The following UBE2W variants were observed in gnomAD, a reference collection of about 807,000 sequenced individuals.
The protein encoded by UBE2W is ubiquitin conjugating enzyme E2 W.
In UBE2W, 18 loss-of-function variants were observed where a neutral mutation model predicts 27.2. That is an observed-to-expected ratio of 0.66 (90% CI 0.46 to 0.98). The LOEUF (loss-of-function observed/expected upper bound fraction) is 0.98. Among genes scored for constraint, UBE2W ranks in the 50% least tolerant of loss-of-function variants. UBE2W has a pLI of 0.00. For missense variants in UBE2W, 90 were observed against 180.2 expected (o/e 0.50, Z 2.87); for synonymous variants, 53 against 57.2 (o/e 0.93, Z 0.33).
intron 2 of UBE2W, among the ~76,000 whole-genome samples, chr8:73,828,240 TCAAAGACACAACCATCTATTC>T (rs900857534): frequency 6.6e-6 from 1 of 152,180 alleles, no homozygotes; most frequent in African/African-American, 2.4e-5. Flanking sequence ...TGGTTCTTAA[TCAAAGACACAACCATCTATTC>T]CACTCTGGAG....
intron 3 of UBE2W, among the ~76,000 whole-genome samples, chr8:73,821,964 G>A (rs553905299): frequency 2.0e-5 from 3 of 152,240 alleles, no homozygotes; most frequent in African/African-American, 4.8e-5. Flanking sequence ...ATAATCCCCT[G>A]CACTGCAGGC....
At chr8:73,804,074 G>A (rs1164197893) in intron 5 of UBE2W, among the ~76,000 whole-genome samples, 1 of 151,790 alleles carries the variant, frequency 6.6e-6, no homozygotes, top group African/African-American at 2.4e-5. Flanking sequence ...CCACTTCTTT[G>A]TGTTTTCTAA....
chr8:73,821,117 A>C (rs1297256220), intron 3 of UBE2W, among the ~76,000 whole-genome samples: 2 of 152,096 alleles, frequency 1.3e-5, no homozygotes, highest in Admixed American at 1.3e-4. Context: ...CCACACCGGT[A>C]CTCGCATCTA....
At chr8:73,866,268 T>TAAAA (rs10568367) in intron 1 of UBE2W, among the ~76,000 whole-genome samples, 24 of 42,308 alleles carry the variant, frequency 5.7e-4, no homozygotes, top group African/African-American at 1.6e-3. Flanking sequence ...AGACTTGGTC[T>TAAAA]AAAAAAAAAA....
chr8:73,843,770 T>G (rs1472745004), intron 1 of UBE2W, among the ~76,000 whole-genome samples: 1 of 102,056 alleles, frequency 9.8e-6, no homozygotes, highest in Admixed American at 1.2e-4. Context: ...ATATGAAAGG[T>G]AGAGACACCA....
At position 73,868,699 on chromosome 8, in the gene UBE2W, G is replaced by T. The variant is rs374793747; in HGVS notation, c.15+10109C>A. Among the ~76,000 whole-genome samples, 7 of 143,002 alleles carry T rather than the reference G, an allele frequency of 4.9e-5. No homozygotes were observed. The East Asian group carries it at 1.4e-3, about 28-fold the overall frequency. The allele number at this position is 143,002 out of a possible 152,430, so 93.8% of individuals were successfully genotyped here. On this transcript the variant is annotated intron_variant, in intron 1 of 5. Coordinates refer to ENST00000602593, the MANE Select transcript of UBE2W (RefSeq NM_018299.6). ...CCCAGCTGGTGTTGAAAAATTGCTT[G>T]GTGTGAAAAAAAAAAAAAAACCCAC...
chr8:73,804,442 G>C (rs1329920885), intron 5 of UBE2W, among the ~76,000 whole-genome samples: 1 of 151,998 alleles, frequency 6.6e-6, no homozygotes, highest in Non-Finnish European at 1.5e-5. Flanking sequence ...AAGCATTAAG[G>C]TTAGTTTAGA....
intron 2 of UBE2W, 37 bp downstream of exon 2, chr8:73,830,344 A>G: frequency 7.0e-7 from 1 of 1,434,094 alleles, no homozygotes; most frequent in Non-Finnish European, 9.8e-7. Flanking sequence ...CATTATTGGT[A>G]ATAAAACAAA....
intron 1 of UBE2W, chr8:73,834,009 A>C (rs1182981915): frequency 1.3e-5 from 2 of 152,234 alleles, no homozygotes; most frequent in East Asian, 3.8e-4. Flanking sequence ...CTTTCCAAAT[A>C]GCTGGGACAA....
downstream of UBE2W, among the ~76,000 whole-genome samples, chr8:73,781,269 CAA>C (rs72377675): frequency 0.072 from 6,177 of 85,928 alleles, 359 homozygotes; most frequent in African/African-American, 0.18. Flanking sequence ...GACTCAGTCT[CAA>C]AAAAAAAAAA....
At chr8:73,802,209 A>G (rs1247004694) in intron 5 of UBE2W, among the ~76,000 whole-genome samples, 1 of 152,198 alleles carries the variant, frequency 6.6e-6, no homozygotes, top group Non-Finnish European at 1.5e-5. Context: ...GATTACACTA[A>G]CTTGCTACAT....
chr8:73,817,503 T>C (rs1010162600), intron 3 of UBE2W, among the ~76,000 whole-genome samples: 1 of 152,114 alleles, frequency 6.6e-6, no homozygotes, highest in African/African-American at 2.4e-5. Context: ...GATACTAAGC[T>C]TGAGGACTTC....
chr8:73,841,460 C>A (rs536504618), intron 1 of UBE2W, among the ~76,000 whole-genome samples: 170 of 152,192 alleles, frequency 1.1e-3, no homozygotes, highest in Admixed American at 2.9e-3. Context: ...TTTTAAAATT[C>A]TGACAAATGA....
At chr8:73,871,999 TCCTC>T (rs1438758269) in intron 1 of UBE2W, among the ~76,000 whole-genome samples, 1 of 152,010 alleles carries the variant, frequency 6.6e-6, no homozygotes, top group Non-Finnish European at 1.5e-5. Flanking sequence ...GCTCAGGTGA[TCCTC>T]CCACCTCAGC....
chr8:73,792,955 T>C lies in UBE2W; in HGVS notation c.*1147A>G. 2.0e-6 allele frequency: 2 copies of C among 985,704 alleles called. No individual in the cohort carries two copies. The highest frequency in any genetic ancestry group is 4.7e-5 in the South Asian group (1 of 21,290). The allele number at this position is 985,704 out of a possible 1,614,324, so 61.1% of individuals were successfully genotyped here. The stretch of plus-strand genomic sequence containing the variant: ...TAAAATAAAAATGTCCACACTCTTT[T>C]GTTAAAACATTAAGCCTCTGTCAAA... On this transcript the variant is annotated 3_prime_UTR_variant, in exon 6 of 6. Transcript: ENST00000602593.
intron 5 of UBE2W, among the ~76,000 whole-genome samples, chr8:73,805,076 T>C (rs1027129576): frequency 3.3e-5 from 5 of 152,068 alleles, no homozygotes; most frequent in Non-Finnish European, 7.4e-5. Context: ...TTCTTTTCTG[T>C]AATACAATGG....
At chr8:73,820,545 G>A (rs1039256037) in intron 3 of UBE2W, among the ~76,000 whole-genome samples, 4 of 151,678 alleles carry the variant, frequency 2.6e-5, no homozygotes, top group African/African-American at 7.3e-5. Flanking sequence ...AAGACCAGCT[G>A]GACCAACATG....
chr8:73,806,958 G>A (rs879789806), intron 4 of UBE2W, among the ~76,000 whole-genome samples: 4 of 152,102 alleles, frequency 2.6e-5, no homozygotes, highest in East Asian at 1.9e-4. Flanking sequence ...TGGCAGCTCC[G>A]CAAGGGAGCT....
intron 1 of UBE2W, among the ~76,000 whole-genome samples, chr8:73,873,831 C>A (rs1392432224): frequency 6.6e-6 from 1 of 152,110 alleles, no homozygotes; most frequent in Non-Finnish European, 1.5e-5. Flanking sequence ...GAAGTAAATG[C>A]AGAAATTTCA....
Sources: allele counts gnomAD v4.1 joint callset (sites outside exome capture counted in the v4.1 genomes callset), GRCh38; gene constraint gnomAD v4.1.1; transcripts MANE v1.5; gene names NCBI Gene and HGNC (gene_info 2026-07-23, HGNC 2026-07-21).